RCOR1: variants seen among roughly 807,000 people sequenced by gnomAD.
RCOR1 encodes REST corepressor 1.
In RCOR1, 12 loss-of-function variants were observed where a neutral mutation model predicts 64.0. The ratio of observed to expected loss-of-function variants is 0.19; its 90% CI spans 0.12 to 0.30. RCOR1 has a LOEUF of 0.30. Among genes scored for constraint, RCOR1 ranks in the 10% least tolerant of loss-of-function variants. The probability of loss-of-function intolerance (pLI) is 1.00; values close to 1 mark genes in which losing one functional copy is unlikely to be tolerated. For synonymous variants in RCOR1, 279 were observed against 227.2 expected, an observed-to-expected ratio of 1.23 and a Z score of -2.05; for missense variants, 502 against 621.2, an observed-to-expected ratio of 0.81 and a Z score of 2.04.
chr14:102,614,900 C>T (rs1169015343), intron 2 of RCOR1, among the ~76,000 whole-genome samples: 1 of 150,196 alleles, frequency 6.7e-6, no homozygotes, highest in East Asian at 2.0e-4. Context: ...GGCGTGATCT[C>T]GGCTCACTGC....
chr14:102,704,806 A>T (rs1341766040), intron 4 of RCOR1, among the ~76,000 whole-genome samples: 1 of 152,202 alleles, frequency 6.6e-6, no homozygotes, highest in Non-Finnish European at 1.5e-5. Flanking sequence ...ATCCTGGACA[A>T]CATGGCAAAA....
intron 3 of RCOR1, among the ~76,000 whole-genome samples, chr14:102,698,732 C>T (rs1442563547): frequency 6.6e-6 from 1 of 152,196 alleles, no homozygotes; most frequent in Non-Finnish European, 1.5e-5. Flanking sequence ...CCATTTGCAT[C>T]TCATCTCCTC....
At chr14:102,616,204 ATATGTGTGTGTGTGTG>A (rs1463513084) in intron 2 of RCOR1, among the ~76,000 whole-genome samples, 112 of 128,806 alleles carry the variant, frequency 8.7e-4, no homozygotes, top group Admixed American at 2.9e-3. Flanking sequence ...ATACATGTGT[ATATGTGTGTGTGTGTG>A]TGTGTGTGTG....
At chr14:102,630,864 G>A (rs546342126) in intron 2 of RCOR1, among the ~76,000 whole-genome samples, 27 of 152,244 alleles carry the variant, frequency 1.8e-4, no homozygotes, top group African/African-American at 5.3e-4. Flanking sequence ...GTGGGCAGTT[G>A]TGGTTCTGGG....
At position 102,729,491 on chromosome 14, in the gene RCOR1, C is replaced by A. The variant is rs538031515; in HGVS notation, c.*2985C>A. ...TGGGTGTACAGTGTTTGTGGAGACG[C>A]CACTTCCTCAAAATGGTTTTTGATT... is the stretch of plus-strand genomic sequence containing the variant. On this transcript the variant is annotated 3_prime_UTR_variant, in exon 12 of 12. Coordinates refer to ENST00000262241, the MANE Select transcript of RCOR1 (RefSeq NM_015156.4). 129 of 165,454 alleles carry A rather than the reference C, an allele frequency of 7.8e-4. No individual in the cohort carries two copies. The highest frequency in any genetic ancestry group is 1.2e-3 in the Non-Finnish European group (95 of 76,814). 10.2% of individuals were successfully genotyped at this position (165,454 alleles called of 1,614,324 possible).
intron 2 of RCOR1, among the ~76,000 whole-genome samples, chr14:102,634,652 GTATA>G (rs747698453): frequency 1.1e-4 from 16 of 144,230 alleles, no homozygotes; most frequent in South Asian, 4.2e-4. Context: ...ATATATATAT[GTATA>G]TATATATACA....
intron 2 of RCOR1, among the ~76,000 whole-genome samples, chr14:102,644,536 C>T (rs1361590599): frequency 1.3e-5 from 2 of 152,184 alleles, no homozygotes; most frequent in African/African-American, 4.8e-5. Context: ...CTCACACCCT[C>T]TCCCATCACA....
chr14:102,644,840 C>G (rs1460554148), intron 2 of RCOR1, among the ~76,000 whole-genome samples: 4 of 152,194 alleles, frequency 2.6e-5, no homozygotes, highest in Admixed American at 1.3e-4. Flanking sequence ...TTGATTTGGT[C>G]TCAGTTCTGG....
chr14:102,707,088 T>C (rs1258744918), intron 4 of RCOR1, among the ~76,000 whole-genome samples: 1 of 152,138 alleles, frequency 6.6e-6, no homozygotes, highest in African/African-American at 2.4e-5. Context: ...TTTAAATTGC[T>C]TCACTCTTTC....
chr14:102,685,545 C>T (rs1243919128), intron 3 of RCOR1, among the ~76,000 whole-genome samples: 11 of 150,312 alleles, frequency 7.3e-5, no homozygotes, highest in African/African-American at 1.2e-4. Context: ...TGCAGTTGTG[C>T]GATCTTGGCT....
intron 2 of RCOR1, among the ~76,000 whole-genome samples, chr14:102,595,398 G>T (rs952357170): frequency 1.3e-5 from 2 of 151,810 alleles, no homozygotes; most frequent in South Asian, 4.2e-4. Flanking sequence ...GCTACGGGGG[G>T]GTCTGAGGCT....
rs755368011 is a variant in RCOR1, at chr14:102,726,557, A to G, written c.*51A>G. On this transcript the variant is annotated 3_prime_UTR_variant, in exon 12 of 12. Transcript: ENST00000262241. ...TGTGGACTACTGTGTTATCCGGGATATCAGGTATTATGAGACATCACCTAG... is the reference window on the plus strand; with the variant it reads ...TGTGGACTACTGTGTTATCCGGGATGTCAGGTATTATGAGACATCACCTAG... 1 of 1,483,876 alleles carries G rather than the reference A, an allele frequency of 6.7e-7. No individual in the cohort carries two copies. Among genetic ancestry groups the G allele is most frequent in the South Asian group, 1.2e-5 (1 of 83,818 alleles). The allele number at this position is 1,483,876 out of a possible 1,614,324, so 91.9% of individuals were successfully genotyped here.
intron 3 of RCOR1, among the ~76,000 whole-genome samples, chr14:102,693,016 T>G (rs569751112): frequency 1.3e-5 from 2 of 152,166 alleles, no homozygotes; most frequent in African/African-American, 4.8e-5. Context: ...TTGACCTGCC[T>G]CAGCCTCTCA....
At chr14:102,600,596 A>C (rs1595188844) in intron 2 of RCOR1, among the ~76,000 whole-genome samples, 1 of 123,330 alleles carries the variant, frequency 8.1e-6, no homozygotes, top group South Asian at 2.5e-4. Flanking sequence ...TTGAAGACGG[A>C]GTCTCACTCT....
chr14:102,726,794 C>A lies in RCOR1; in HGVS notation c.*288C>A, dbSNP rs182606768. The stretch of plus-strand genomic sequence containing the variant: ...TGACTCTGGGAACCGCCTCTCCCGC[C>A]GGAGCCCCCGAGCCCCACCAATGGC... On this transcript the variant is annotated 3_prime_UTR_variant, in exon 12 of 12. Transcript: ENST00000262241. 5.3e-4 allele frequency: 212 copies of A among 403,566 alleles called. No homozygotes were observed. Among genetic ancestry groups the A allele is most frequent in the African/African-American group, 4.0e-3 (187 of 47,302 alleles). The allele number at this position is 403,566 out of a possible 1,614,324, so 25.0% of individuals were successfully genotyped here.
intron 5 of RCOR1, among the ~76,000 whole-genome samples, 184 bp from the exon 6 acceptor site, chr14:102,708,281 T>C (rs962366383): frequency 3.3e-5 from 5 of 152,156 alleles, no homozygotes; most frequent in African/African-American, 9.7e-5. Flanking sequence ...TTTGTATCTT[T>C]AGTAGAGACG....
At chr14:102,719,249 T>C (rs1024959765) in intron 8 of RCOR1, among the ~76,000 whole-genome samples, 1 of 152,150 alleles carries the variant, frequency 6.6e-6, no homozygotes, top group African/African-American at 2.4e-5. Flanking sequence ...CTTCTTCTTC[T>C]TCTTCTTTTT....
chr14:102,655,990 T>TACACACAC (rs1555464404), intron 2 of RCOR1: 2 of 657,918 alleles, frequency 3.0e-6, no homozygotes, highest in Non-Finnish European at 3.6e-6. Context: ...CACACACACG[T>TACACACAC]GAAATAAACC....
intron 2 of RCOR1, among the ~76,000 whole-genome samples, chr14:102,679,333 G>A (rs1426274391): frequency 2.0e-5 from 3 of 152,030 alleles, no homozygotes; most frequent in African/African-American, 7.2e-5. Flanking sequence ...TTTTGTTTTT[G>A]CATGTGAATA....
Sources: allele counts gnomAD v4.1 joint callset (sites outside exome capture counted in the v4.1 genomes callset), GRCh38; gene constraint gnomAD v4.1.1; transcripts MANE v1.5; gene names NCBI Gene and HGNC (gene_info 2026-07-23, HGNC 2026-07-21).